Variants in RNF43 observed in about 807,000 individuals in gnomAD.
RNF43 encodes the protein E3 ubiquitin-protein ligase RNF43.
Under a neutral mutation model 78.4 loss-of-function variants are expected in RNF43, and 37 were observed. The ratio of observed to expected loss-of-function variants is 0.47; its 90% confidence interval spans 0.36 to 0.62. The LOEUF is 0.62. RNF43 is among the 20% of genes least tolerant of loss of function. The pLI is 0.00. For synonymous variants in RNF43, 347 were observed against 395.0 expected (o/e 0.88, Z 1.44); for missense variants, 774 against 1,007.9 (o/e 0.77, Z 3.14).
intron 3 of RNF43, among the ~76,000 whole-genome samples, chr17:58,364,993 T>G (rs1372650072): frequency 1.3e-5 from 2 of 152,186 alleles, no homozygotes; most frequent in African/African-American, 4.8e-5. Flanking sequence ...GGGCCCTGTT[T>G]TGGTCAGGAA....
chr17:58,401,653 T>C (rs992703732), intron 2 of RNF43, among the ~76,000 whole-genome samples: 3 of 152,184 alleles, frequency 2.0e-5, no homozygotes, highest in Non-Finnish European at 4.4e-5. Flanking sequence ...ACATTTTATA[T>C]AATACATTCA....
At chr17:58,370,060 G>GGTTT (rs766887725) in intron 3 of RNF43, among the ~76,000 whole-genome samples, 26 of 96,276 alleles carry the variant, frequency 2.7e-4, no homozygotes, top group African/African-American at 1.1e-3. Context: ...GAAAATCTGA[G>GGTTT]TTTTTTTTTT....
At chr17:58,371,578 C>T (rs538358378) in intron 2 of RNF43, among the ~76,000 whole-genome samples, 195 of 152,348 alleles carry the variant, frequency 1.3e-3, no homozygotes, top group Non-Finnish European at 1.2e-3. Context: ...TCATCTCACT[C>T]GGTGCTACCT....
intron 2 of RNF43, among the ~76,000 whole-genome samples, chr17:58,403,584 A>C (rs1173526229): frequency 1.3e-5 from 2 of 152,182 alleles, no homozygotes; most frequent in Non-Finnish European, 2.9e-5. Flanking sequence ...GCCCTCAGCA[A>C]CAGCACGGCG....
intron 3 of RNF43, among the ~76,000 whole-genome samples, chr17:58,367,173 G>A (rs529083553): frequency 2.0e-4 from 30 of 151,954 alleles, no homozygotes; most frequent in African/African-American, 7.0e-4. Flanking sequence ...GCTAATTTTT[G>A]TATTTTTAGT....
At chr17:58,380,359 T>G (rs748343815) in intron 2 of RNF43, among the ~76,000 whole-genome samples, 3 of 152,208 alleles carry the variant, frequency 2.0e-5, no homozygotes, top group Non-Finnish European at 2.9e-5. Flanking sequence ...ATAAGGTCTA[T>G]AGAGGCTTTG....
chr17:58,406,395 T>C (rs1049127737), intron 2 of RNF43, among the ~76,000 whole-genome samples: 2 of 152,226 alleles, frequency 1.3e-5, no homozygotes, highest in African/African-American at 4.8e-5. Flanking sequence ...ATTCTTCATA[T>C]ATAAAATGAG....
chr17:58,410,236 A>T (rs993426125), intron 2 of RNF43, among the ~76,000 whole-genome samples: 3 of 152,208 alleles, frequency 2.0e-5, no homozygotes, highest in Non-Finnish European at 4.4e-5. Context: ...TAACTTGAAA[A>T]ATTATCATTA....
intron 2 of RNF43, among the ~76,000 whole-genome samples, chr17:58,390,218 T>C (rs1973522184): frequency 6.6e-6 from 1 of 151,974 alleles, no homozygotes; most frequent in Non-Finnish European, 1.5e-5. Context: ...CTGAGCAAAA[T>C]GGAATACAAA....
rs576934429 is a variant in RNF43 at position 58,390,449 on chromosome 17, TAA to T, written c.253-19418_253-19417del. On this transcript the variant is annotated intron_variant, in intron 2 of 9. Coordinates refer to ENST00000407977, the MANE Select transcript of RNF43 (RefSeq NM_017763.6). ...CTGCTTTACACTTGGGATTCTGGTG[TAA>T]AGAGTAAAACCTGCAACTTCGATGC... 2.4e-3 allele frequency among the ~76,000 whole-genome samples: 364 copies of T among 152,324 alleles called. 10 individuals are homozygous for T. The highest frequency in any genetic ancestry group is 0.024 in the Admixed American group (362 of 15,300).
intron 2 of RNF43, among the ~76,000 whole-genome samples, chr17:58,413,606 T>C (rs952681083): frequency 6.6e-6 from 1 of 152,016 alleles, no homozygotes; most frequent in Non-Finnish European, 1.5e-5. Context: ...AAAAACAAAA[T>C]AGATTGGTAA....
At chr17:58,363,022 G>C in intron 5 of RNF43, 1 of 550,638 alleles carries the variant, frequency 1.8e-6, no homozygotes, top group Non-Finnish European at 3.2e-6. Context: ...TTCTAGCTCT[G>C]CTATTCCATG....
intron 3 of RNF43, among the ~76,000 whole-genome samples, chr17:58,364,681 G>T (rs932941451): frequency 2.0e-5 from 3 of 152,168 alleles, no homozygotes; most frequent in African/African-American, 7.2e-5. Flanking sequence ...TACATCCCTG[G>T]GCACCGCCCC....
intron 6 of RNF43, 133 bp from the exon 7 acceptor site, chr17:58,361,077 C>G: frequency 2.2e-6 from 2 of 900,996 alleles, no homozygotes; most frequent in Non-Finnish European, 3.1e-6. Context: ...GAGTTCGTCT[C>G]CTCGGAGCTC....
intron 2 of RNF43, among the ~76,000 whole-genome samples, chr17:58,398,239 C>G (rs1204270819): frequency 6.6e-6 from 1 of 152,158 alleles, no homozygotes; most frequent in Non-Finnish European, 1.5e-5. Flanking sequence ...GTGCACTTTC[C>G]TGCCTAAATA....
chr17:58,358,151 G>A lies in RNF43; in HGVS notation c.1625C>T (p.Thr542Ile), dbSNP rs1972739197. 3.7e-6 allele frequency: 6 copies of A among 1,612,814 alleles called. No homozygotes were observed. Among genetic ancestry groups the A allele is most frequent in the Non-Finnish European group, 5.1e-6 (6 of 1,179,576 alleles). ...GTAGTGGACATGGCTGGAAACCTGG[G>A]TTTCCCCTGTGGGCACCACCGAGTC... ...SLDSVVPTGE[T>I]QVSSHVHYHR... The change falls in exon 9 of 10, where the codon ACC (threonine) becomes ATC (isoleucine). Residue 542 changes from threonine (T) to isoleucine (I), a missense_variant. Physicochemically the swap from Thr to Ile is moderately conservative, Grantham distance 89 (BLOSUM62 -1). Coordinates refer to ENST00000407977, the MANE Select transcript of RNF43 (RefSeq NM_017763.6). The surrounding 1 kb of genome is among the most constrained non-coding windows in gnomAD (Gnocchi z 6.2).
chr17:58,370,060 G>GGTT lies in RNF43; in HGVS notation c.375+850_375+851insAAC, dbSNP rs766887725. 1.0e-3 allele frequency among the ~76,000 whole-genome samples: 96 copies of GGTT among 96,242 alleles called. 2 individuals are homozygous for GGTT. The highest frequency in any genetic ancestry group is 4.0e-3 in the African/African-American group (90 of 22,484). The allele number at this position is 96,242 out of a possible 152,430, so 63.1% of individuals were successfully genotyped here. A position where few individuals can be genotyped will look rare whatever the true frequency, so the allele number is the denominator to read the frequency against. Reference sequence around the variant, plus strand: ...TCTTCTAAAGAAGCTGAAAATCTGAGTTTTTTTTTTTTTTTTTTTTTTTTT... The same window carrying GGTT: ...TCTTCTAAAGAAGCTGAAAATCTGAGGTTTTTTTTTTTTTTTTTTTTTTTTTTT... On this transcript the variant is annotated intron_variant, in intron 3 of 9. Coordinates refer to ENST00000407977, the MANE Select transcript of RNF43 (RefSeq NM_017763.6).
At chr17:58,371,119 G>A (rs1322061634) in intron 2 of RNF43, 86 bp from the exon 3 acceptor site, 1 of 1,332,800 alleles carries the variant, frequency 7.5e-7, no homozygotes, top group Non-Finnish European at 1.0e-6. Context: ...ATTTTTCTAG[G>A]GAGGTACCAG....
At chr17:58,406,315 T>C (rs927735176) in intron 2 of RNF43, among the ~76,000 whole-genome samples, 6 of 152,220 alleles carry the variant, frequency 3.9e-5, no homozygotes, top group Non-Finnish European at 8.8e-5. Flanking sequence ...AAATAAACTA[T>C]GCTAAAAATA....
Sources: gnomAD v4.1 joint callset for allele counts (sites outside exome capture counted in the v4.1 genomes callset) on GRCh38, gnomAD v4.1.1 for gene constraint, Gnocchi (gnomAD v3.1) non-coding constraint, MANE v1.5 for transcripts, NCBI Gene and HGNC (gene_info 2026-07-23, HGNC 2026-07-21) for gene names.